Variants in CAP2 observed in about 807,000 individuals in gnomAD.
CAP2 encodes adenylyl cyclase-associated protein 2.
In CAP2, 24 loss-of-function variants were observed where a neutral mutation model predicts 57.7. The observed-to-expected ratio is 0.42, with a 90% CI of 0.30 to 0.58. CAP2 has a LOEUF of 0.58. Among genes scored for constraint, CAP2 ranks in the 20% least tolerant of loss-of-function variants. The probability of loss-of-function intolerance (pLI) is 0.22; values close to 1 mark genes in which losing one functional copy is unlikely to be tolerated. For missense variants in CAP2, 501 were observed against 590.3 expected, an observed-to-expected ratio of 0.85 and a Z score of 1.57; for synonymous variants, 194 against 207.2, an observed-to-expected ratio of 0.94 and a Z score of 0.55.
At chr6:17,483,254 A>G (rs1761337901) in intron 4 of CAP2, among the ~76,000 whole-genome samples, 1 of 152,258 alleles carries the variant, frequency 6.6e-6, no homozygotes, top group Admixed American at 6.5e-5. Context: ...ATAACAATAC[A>G]AGGAGGGATT....
chr6:17,510,806 G>T (rs533350708), intron 6 of CAP2, among the ~76,000 whole-genome samples: 5 of 152,316 alleles, frequency 3.3e-5, no homozygotes, highest in Admixed American at 3.3e-4. Context: ...GTTCAGGACA[G>T]CTCAAGCACT....
intron 3 of CAP2, among the ~76,000 whole-genome samples, chr6:17,450,884 G>A (rs984335840): frequency 1.3e-5 from 2 of 152,070 alleles, no homozygotes; most frequent in African/African-American, 4.8e-5. Context: ...TTTGTGCTTT[G>A]GCTAAGGTAG....
intron 1 of CAP2, among the ~76,000 whole-genome samples, chr6:17,398,563 C>A (rs34726599): frequency 1.3e-5 from 2 of 149,662 alleles, no homozygotes; most frequent in African/African-American, 5.0e-5. Context: ...CTTGCTCTGT[C>A]GCCCAGGCTG....
At chr6:17,492,244 C>T (rs561159629) in intron 4 of CAP2, among the ~76,000 whole-genome samples, 3 of 152,174 alleles carry the variant, frequency 2.0e-5, no homozygotes, top group African/African-American at 7.2e-5. Context: ...TGATGTTTGC[C>T]AGTGGTGGGG....
intron 2 of CAP2, among the ~76,000 whole-genome samples, chr6:17,425,165 G>A (rs1227444219): frequency 6.6e-6 from 1 of 152,226 alleles, no homozygotes; most frequent in African/African-American, 2.4e-5. Context: ...ATAGTTTTGT[G>A]AGCATAGAGA....
Position 17,448,841 on chromosome 6 carries a change from A to C in CAP2, c.223-14155A>C, listed in dbSNP as rs147149581. On this transcript the variant is annotated intron_variant, in intron 3 of 12. Transcript: ENST00000229922. ...CAGGGGTGCGATCTCAGCTCACTGC[A>C]ACCTCCGTTTCCCAGGTTCAAGAGA... Among the ~76,000 whole-genome samples the C allele has an allele frequency of 5.7e-3, 874 of 152,020 alleles. 10 individuals carry two copies. The highest frequency in any genetic ancestry group is 0.02 in the African/African-American group (825 of 41,480).
intron 1 of CAP2, among the ~76,000 whole-genome samples, chr6:17,420,232 G>A (rs1420866649): frequency 2.0e-5 from 3 of 152,152 alleles, no homozygotes; most frequent in Admixed American, 6.5e-5. Flanking sequence ...TCCCAGCCAA[G>A]AGTACTGGGT....
chr6:17,551,275 C>T (rs1763165963), intron 11 of CAP2, among the ~76,000 whole-genome samples, 189 bp from the exon 12 acceptor site: 1 of 152,054 alleles, frequency 6.6e-6, no homozygotes, highest in South Asian at 2.1e-4. Context: ...TCATTCTGTC[C>T]CTGAGTGACA....
intron 8 of CAP2, 66 bp from the exon 9 acceptor site, chr6:17,540,907 A>T (rs1051714960): frequency 7.6e-6 from 11 of 1,452,362 alleles, no homozygotes; most frequent in Non-Finnish European, 1.0e-5. Context: ...CATCATGTTG[A>T]TCTAGCAAGT....
At chr6:17,529,969 C>T (rs1233838507) in intron 7 of CAP2, among the ~76,000 whole-genome samples, 1 of 148,894 alleles carries the variant, frequency 6.7e-6, no homozygotes, top group African/African-American at 2.5e-5. Flanking sequence ...GCTTGGGCAA[C>T]ATAGTGAGAC....
intron 1 of CAP2, among the ~76,000 whole-genome samples, chr6:17,412,783 G>A (rs979074728): frequency 6.6e-6 from 1 of 152,150 alleles, no homozygotes; most frequent in Non-Finnish European, 1.5e-5. Flanking sequence ...ATGGTTCTGA[G>A]GGGTGAAACC....
At chr6:17,437,572 C>A (rs1000638987) in intron 3 of CAP2, among the ~76,000 whole-genome samples, 3 of 152,068 alleles carry the variant, frequency 2.0e-5, no homozygotes, top group African/African-American at 7.2e-5. Context: ...AGGTTGAGCA[C>A]TTTTTCATAT....
chr6:17,446,208 T>C (rs1002859633), intron 3 of CAP2, among the ~76,000 whole-genome samples: 1 of 152,158 alleles, frequency 6.6e-6, no homozygotes, highest in Non-Finnish European at 1.5e-5. Context: ...TTTAGTTAAA[T>C]GAGACAAGAA....
At chr6:17,441,675 G>A (rs1415044613) in intron 3 of CAP2, among the ~76,000 whole-genome samples, 3 of 146,964 alleles carry the variant, frequency 2.0e-5, no homozygotes, top group Non-Finnish European at 2.9e-5. Context: ...AGTAGAGACA[G>A]CGTTTCACCA....
chr6:17,529,557 C>G (rs750550091), intron 7 of CAP2, among the ~76,000 whole-genome samples: 1 of 150,862 alleles, frequency 6.6e-6, no homozygotes, highest in Non-Finnish European at 1.5e-5. Context: ...AGGAGAATGG[C>G]GTGAACCTGG....
intron 12 of CAP2, among the ~76,000 whole-genome samples, chr6:17,555,243 G>T (rs1335437081): frequency 1.3e-5 from 2 of 151,978 alleles, no homozygotes; most frequent in Non-Finnish European, 2.9e-5. Context: ...TGCCCAGGCT[G>T]GAGTGCAATG....
chr6:17,499,889 A>G (rs1475919170), intron 4 of CAP2, among the ~76,000 whole-genome samples: 1 of 151,746 alleles, frequency 6.6e-6, no homozygotes, highest in African/African-American at 2.4e-5. Context: ...AAAAGCAAAT[A>G]TAGTATATAA....
chr6:17,421,793 C>A, intron 2 of CAP2, 117 bp downstream of exon 2: 2 of 1,154,762 alleles, frequency 1.7e-6, no homozygotes, highest in Non-Finnish European at 2.6e-6. Flanking sequence ...CTCCTTCCAT[C>A]GTATGTGACC....
chr6:17,551,414 T>A, intron 11 of CAP2, 50 bp from the exon 12 acceptor site: 5 of 1,445,098 alleles, frequency 3.5e-6, no homozygotes, highest in Non-Finnish European at 4.8e-6. Flanking sequence ...TCGAGGGCAT[T>A]GTTATTTCTG....
Sources: gnomAD v4.1 joint callset for allele counts (sites outside exome capture counted in the v4.1 genomes callset) on GRCh38, gnomAD v4.1.1 for gene constraint, MANE v1.5 for transcripts, NCBI Gene and HGNC (gene_info 2026-07-23, HGNC 2026-07-21) for gene names.